Variants in SLC8A1 observed in about 807,000 individuals in gnomAD.
SLC8A1 encodes sodium/calcium exchanger 1.
A neutral mutation model predicts 68.3 loss-of-function variants in SLC8A1; 18 were observed. The observed-to-expected ratio is 0.26, with a 90% confidence interval of 0.18 to 0.39. SLC8A1 has a LOEUF of 0.39. Among genes scored for constraint, SLC8A1 ranks in the 10% least tolerant of loss-of-function variants. The pLI is 1.00. For synonymous variants in SLC8A1, 475 were observed against 415.5 expected (o/e 1.14, Z -1.74); for missense variants, 985 against 1,156.7 (o/e 0.85, Z 2.15).
At chr2:40,246,214 C>T (rs1481747856) in intron 2 of SLC8A1, among the ~76,000 whole-genome samples, 2 of 152,242 alleles carry the variant, frequency 1.3e-5, no homozygotes, top group African/African-American at 2.4e-5. Context: ...TGGTTGGTTA[C>T]ACATACACTA....
intron 2 of SLC8A1, chr2:40,213,229 C>T (rs983741372): frequency 1.3e-5 from 2 of 152,108 alleles, no homozygotes; most frequent in African/African-American, 4.8e-5. Context: ...GTAAGATCAC[C>T]GAGTGACCCA....
chr2:40,366,925 C>A (rs1014542488), intron 2 of SLC8A1, among the ~76,000 whole-genome samples: 1 of 152,164 alleles, frequency 6.6e-6, no homozygotes, highest in Admixed American at 6.5e-5. Flanking sequence ...ATCCTCTGAA[C>A]AGGATTTCAT....
intron 2 of SLC8A1, among the ~76,000 whole-genome samples, chr2:40,403,451 G>A (rs1424786115): frequency 1.3e-5 from 2 of 152,164 alleles, no homozygotes; most frequent in African/African-American, 4.8e-5. Flanking sequence ...CACAACAGGA[G>A]CTAATGTCTT....
intron 2 of SLC8A1, among the ~76,000 whole-genome samples, chr2:40,239,439 C>G (rs1428580): frequency 2.0e-5 from 3 of 152,074 alleles, no homozygotes; most frequent in Non-Finnish European, 4.4e-5. Context: ...GCTGAGAGAC[C>G]TAAAGGACCT....
chr2:40,224,559 T>C (rs2058737821), intron 2 of SLC8A1, among the ~76,000 whole-genome samples: 1 of 152,066 alleles, frequency 6.6e-6, no homozygotes, highest in Non-Finnish European at 1.5e-5. Flanking sequence ...GCTGTGCAGC[T>C]CCATCATCCA....
intron 2 of SLC8A1, among the ~76,000 whole-genome samples, chr2:40,292,673 A>G (rs996082463): frequency 1.3e-5 from 2 of 152,208 alleles, no homozygotes; most frequent in African/African-American, 4.8e-5. Flanking sequence ...CCTTCTGTCA[A>G]CTGACTTCAG....
chr2:40,115,920 C>G (rs1029873232), intron 7 of SLC8A1, among the ~76,000 whole-genome samples: 2 of 152,142 alleles, frequency 1.3e-5, no homozygotes, highest in Admixed American at 1.3e-4. Flanking sequence ...TGCAGGGCAG[C>G]ATTTTTTCAG....
intron 6 of SLC8A1, among the ~76,000 whole-genome samples, chr2:40,156,858 G>T (rs949372464): frequency 6.6e-6 from 1 of 152,154 alleles, no homozygotes; most frequent in African/African-American, 2.4e-5. Context: ...ATGCATGCAT[G>T]TCTCTGCGTA....
chr2:40,194,847 A>G (rs1007258801), intron 2 of SLC8A1, among the ~76,000 whole-genome samples: 3 of 152,050 alleles, frequency 2.0e-5, no homozygotes, highest in African/African-American at 7.2e-5. Flanking sequence ...GGAGTAGTGC[A>G]GGTAGTAGGA....
intron 2 of SLC8A1, among the ~76,000 whole-genome samples, chr2:40,414,580 A>G (rs951650205): frequency 6.6e-6 from 1 of 152,096 alleles, no homozygotes; most frequent in African/African-American, 2.4e-5. Context: ...TTGATCTTTC[A>G]TTATCTATCA....
intron 2 of SLC8A1, among the ~76,000 whole-genome samples, chr2:40,203,050 T>G (rs753198636): frequency 2.6e-5 from 4 of 151,912 alleles, no homozygotes; most frequent in Non-Finnish European, 5.9e-5. Context: ...GACAACAACA[T>G]GGGATTGTTG....
chr2:40,114,790 G>A (rs1178258340), exon 8 of SLC8A1: 2 of 152,240 alleles, frequency 1.3e-5, no homozygotes, highest in East Asian at 3.8e-4. Context: ...GGGGAGGTGA[G>A]GGGGAATACT....
intron 1 of SLC8A1, among the ~76,000 whole-genome samples, chr2:40,492,332 C>G (rs1221010773): frequency 6.6e-6 from 1 of 152,070 alleles, no homozygotes; most frequent in African/African-American, 2.4e-5. Flanking sequence ...ACACCTTATA[C>G]AAAAATTAAC....
At chr2:40,343,759 T>A (rs974699503) in intron 2 of SLC8A1, among the ~76,000 whole-genome samples, 1 of 152,222 alleles carries the variant, frequency 6.6e-6, no homozygotes, top group South Asian at 2.1e-4. Context: ...ATGGGAAATA[T>A]AGTTTGAAAA....
In SLC8A1 at chr2:40,401,666, C is replaced by A. The variant is rs1250368820; in HGVS notation, c.1808+26807G>T. Among the ~76,000 whole-genome samples, 4 of 149,066 alleles carry A rather than the reference C, an allele frequency of 2.7e-5. No individual in the cohort carries two copies. In the South Asian group the frequency reaches 6.4e-4, roughly 24 times the overall value. Reference sequence around the variant, plus strand: ...AAGTGAAAAAAAAAAAAAAGTTCCCCAAAGTCATGAAACCAAAGCAGATTC... The same window carrying A: ...AAGTGAAAAAAAAAAAAAAGTTCCCAAAAGTCATGAAACCAAAGCAGATTC... On this transcript the variant is annotated intron_variant, in intron 2 of 7. Coordinates refer to ENST00000406785, the Ensembl canonical transcript of SLC8A1.
chr2:40,423,536 C>G (rs1696064426), intron 2 of SLC8A1, among the ~76,000 whole-genome samples: 1 of 151,980 alleles, frequency 6.6e-6, no homozygotes, highest in Admixed American at 6.6e-5. Context: ...AATCAGCCTT[C>G]TATGTAATGG....
chr2:40,237,003 A>T (rs1341401656), intron 2 of SLC8A1, among the ~76,000 whole-genome samples: 1 of 150,066 alleles, frequency 6.7e-6, no homozygotes, highest in Admixed American at 6.7e-5. Context: ...TTTGAGGGTA[A>T]CCCGACCTTT....
chr2:40,432,519 A>G (rs1372104212), intron 1 of SLC8A1, among the ~76,000 whole-genome samples: 1 of 149,464 alleles, frequency 6.7e-6, no homozygotes, highest in Non-Finnish European at 1.5e-5. Context: ...AAAGTCCTGA[A>G]GGACACGAAA....
intron 2 of SLC8A1, among the ~76,000 whole-genome samples, chr2:40,264,257 G>A (rs1426285896): frequency 6.6e-6 from 1 of 151,994 alleles, no homozygotes; most frequent in Middle Eastern, 3.4e-3. Flanking sequence ...TGGTGGGACT[G>A]TAAACTAGTT....
Sources: allele counts gnomAD v4.1 joint callset (sites outside exome capture counted in the v4.1 genomes callset), GRCh38; gene constraint gnomAD v4.1.1; transcripts MANE v1.5; gene names NCBI Gene and HGNC (gene_info 2026-07-23, HGNC 2026-07-21).